The following RAP1A variants were observed in gnomAD, a reference collection of about 807,000 sequenced individuals.
The protein encoded by RAP1A is RAP1A, member of RAS oncogene family, also known as ras-related protein Rap-1A.
A neutral mutation model predicts 26.4 loss-of-function variants in RAP1A; 6 were observed. The observed-to-expected ratio is 0.23, with a 90% CI of 0.12 to 0.45. The LOEUF is 0.45. Ranked by LOEUF, RAP1A falls within the 20% of genes least tolerant of loss-of-function variation. The pLI, the probability that RAP1A is intolerant of heterozygous loss-of-function variation, is 0.99. For missense variants in RAP1A, 121 were observed against 217.2 expected, an observed-to-expected ratio of 0.56 and a Z score of 2.78; for synonymous variants, 73 against 79.4, an observed-to-expected ratio of 0.92 and a Z score of 0.43.
At chr1:111,545,330 T>C (rs1656997241) in intron 1 of RAP1A, among the ~76,000 whole-genome samples, 1 of 152,102 alleles carries the variant, frequency 6.6e-6, no homozygotes, top group South Asian at 2.1e-4. Context: ...GGATGTGAAG[T>C]GGTATCTCAT....
chr1:111,648,250 C>A, intron 1 of RAP1A: 2 of 626,948 alleles, frequency 3.2e-6, no homozygotes, highest in Non-Finnish European at 2.6e-6. Context: ...TTTTTATTGG[C>A]TTCCTGCTCC....
intron 1 of RAP1A, among the ~76,000 whole-genome samples, chr1:111,574,773 A>G (rs1408029783): frequency 2.0e-5 from 3 of 152,240 alleles, no homozygotes; most frequent in African/African-American, 4.8e-5. Context: ...ACCTGAAACA[A>G]GTGTAGTACC....
intron 1 of RAP1A, among the ~76,000 whole-genome samples, chr1:111,678,114 C>T (rs1036043370): frequency 6.6e-6 from 1 of 152,092 alleles, no homozygotes; most frequent in Non-Finnish European, 1.5e-5. Context: ...ATTAGCTTTT[C>T]TGAATTATTT....
chr1:111,659,303 T>C (rs754835651), intron 1 of RAP1A, among the ~76,000 whole-genome samples: 1 of 152,158 alleles, frequency 6.6e-6, no homozygotes, highest in Non-Finnish European at 1.5e-5. Context: ...AATAGAACAA[T>C]TCTAACAATA....
chr1:111,700,810 T>G (rs1013772228), intron 4 of RAP1A, among the ~76,000 whole-genome samples: 2 of 152,200 alleles, frequency 1.3e-5, no homozygotes, highest in African/African-American at 4.8e-5. Flanking sequence ...GGAGTCGTCC[T>G]TGACTGTATT....
At chr1:111,598,840 A>G (rs187334436) in intron 1 of RAP1A, among the ~76,000 whole-genome samples, 1 of 152,244 alleles carries the variant, frequency 6.6e-6, no homozygotes, top group Non-Finnish European at 1.5e-5. Context: ...CAGTCTCACA[A>G]AGCTGCCCCT....
intron 1 of RAP1A, among the ~76,000 whole-genome samples, chr1:111,638,446 C>T (rs1659788861): frequency 6.6e-6 from 1 of 151,226 alleles, no homozygotes; most frequent in South Asian, 2.1e-4. Flanking sequence ...TCTTTCTTTT[C>T]TGTTTTTGTT....
intron 1 of RAP1A, among the ~76,000 whole-genome samples, chr1:111,688,875 C>T (rs1372757207): frequency 1.3e-5 from 2 of 148,576 alleles, no homozygotes; most frequent in Non-Finnish European, 3.0e-5. Flanking sequence ...CACTCTATCG[C>T]CCAGGCAGGA....
intron 1 of RAP1A, among the ~76,000 whole-genome samples, chr1:111,625,307 G>A (rs1028223878): frequency 3.3e-5 from 5 of 151,456 alleles, no homozygotes; most frequent in African/African-American, 7.3e-5. Flanking sequence ...GCTGTCTTTC[G>A]TTTTTTAACT....
At chr1:111,576,830 G>A (rs1167481812) in intron 1 of RAP1A, among the ~76,000 whole-genome samples, 1 of 152,212 alleles carries the variant, frequency 6.6e-6, no homozygotes, top group East Asian at 1.9e-4. Flanking sequence ...TGCAGCCAGA[G>A]CTTTAGGAAG....
At chr1:111,682,525 G>T (rs996068323) in intron 1 of RAP1A, among the ~76,000 whole-genome samples, 1 of 151,424 alleles carries the variant, frequency 6.6e-6, no homozygotes, top group Non-Finnish European at 1.5e-5. Context: ...AAAAGCGGGG[G>T]TTGCAATCCT....
intron 1 of RAP1A, among the ~76,000 whole-genome samples, chr1:111,603,925 GA>G (rs1658720935): frequency 6.6e-6 from 1 of 152,166 alleles, no homozygotes; most frequent in Non-Finnish European, 1.5e-5. Context: ...ACTCATTTTA[GA>G]AATGTAGACA....
intron 4 of RAP1A, among the ~76,000 whole-genome samples, chr1:111,701,505 T>C (rs1353137344): frequency 6.6e-6 from 1 of 152,230 alleles, no homozygotes; most frequent in Non-Finnish European, 1.5e-5. Context: ...TCTGTCTCCA[T>C]GTATACTCCT....
intron 1 of RAP1A, among the ~76,000 whole-genome samples, chr1:111,635,398 G>A (rs568867955): frequency 6.6e-6 from 1 of 152,348 alleles, no homozygotes; most frequent in South Asian, 2.1e-4. Flanking sequence ...AAGTTTGCAT[G>A]TAGTGCCTAC....
chr1:111,629,502 A>C, intron 1 of RAP1A, among the ~76,000 whole-genome samples: 1 of 152,216 alleles, frequency 6.6e-6, no homozygotes, highest in East Asian at 1.9e-4. Context: ...AATTTAAAAA[A>C]ATACAGGCTT....
intron 1 of RAP1A, chr1:111,650,653 AT>A (rs1660236466): frequency 6.6e-6 from 1 of 152,146 alleles, no homozygotes; most frequent in Non-Finnish European, 1.5e-5. Flanking sequence ...CCCCTACCAA[AT>A]TGGTACATAT....
intron 1 of RAP1A, chr1:111,648,206 T>TGTGTGTGTGTGTA (rs773470455): frequency 1.1e-3 from 154 of 142,618 alleles, no homozygotes; most frequent in African/African-American, 6.7e-3. Flanking sequence ...TGTGTGTGTA[T>TGTGTGTGTGTGTA]TTTTTTTTTT....
chr1:111,650,438 T>C (rs1261024199), intron 1 of RAP1A: 6 of 152,322 alleles, frequency 3.9e-5, no homozygotes, highest in African/African-American at 1.4e-4. Flanking sequence ...TGAAAAAACA[T>C]GGAATGCTTC....
intron 1 of RAP1A, among the ~76,000 whole-genome samples, chr1:111,685,485 AAAG>A (rs1195183373): frequency 6.6e-6 from 1 of 152,234 alleles, no homozygotes. Context: ...ACACTTCTCA[AAAG>A]AAGACATTTA....
Sources: allele counts gnomAD v4.1 joint callset (sites outside exome capture counted in the v4.1 genomes callset), GRCh38; gene constraint gnomAD v4.1.1; transcripts MANE v1.5; gene names NCBI Gene and HGNC (gene_info 2026-07-23, HGNC 2026-07-21).